The following CNTN5 variants were observed in gnomAD, a reference collection of about 807,000 sequenced individuals.
CNTN5 encodes the protein contactin-5.
In CNTN5, 77 loss-of-function variants were observed where a neutral mutation model predicts 129.1. The observed-to-expected ratio is 0.60, with a 90% CI of 0.50 to 0.72. The LOEUF (loss-of-function observed/expected upper bound fraction) is 0.72, where lower values mean the gene tolerates loss of function less well. Among genes scored for constraint, CNTN5 ranks in the 30% least tolerant of loss-of-function variants. The pLI is 0.00. For synonymous variants in CNTN5, 509 were observed against 465.6 expected (o/e 1.09, Z -1.20); for missense variants, 1,478 against 1,328.8 (o/e 1.11, Z -1.75).
chr11:99,468,989 A>G (rs1945061603), intron 2 of CNTN5, among the ~76,000 whole-genome samples: 2 of 152,064 alleles, frequency 1.3e-5, no homozygotes, highest in South Asian at 4.1e-4. Context: ...TATTTTTGAT[A>G]TTTACTCCTT....
At chr11:100,100,968 C>T (rs1057010514) in intron 13 of CNTN5, among the ~76,000 whole-genome samples, 2 of 151,996 alleles carry the variant, frequency 1.3e-5, no homozygotes, top group East Asian at 1.9e-4. Flanking sequence ...TACAAATTAT[C>T]GAAAAGATGT....
At position 99,844,969 on chromosome 11, in the gene CNTN5, G is replaced by A. The variant is rs577549789; in HGVS notation, c.395G>A (p.Ser132Asn). 4.2e-5 allele frequency: 68 copies of A among 1,613,152 alleles called. 1 individual carries two copies. The East Asian group carries it at 1.5e-3, about 36-fold the overall frequency. ...GAAGTTCGTGGCAATCCAGTTCCCA[G>A]TTACAGGTAGGAATTCACTGTTAAT... Reference protein sequence around the residue: ...NCEVRGNPVPSYRWLRNGTEI... With the variant: ...NCEVRGNPVPNYRWLRNGTEI... Residue 132 changes from serine to asparagine, a missense_variant, in exon 5 of 25, where the codon AGT (serine) becomes AAT (asparagine). Coordinates refer to ENST00000524871, the MANE Select transcript of CNTN5 (RefSeq NM_014361.4).
intron 1 of CNTN5, among the ~76,000 whole-genome samples, chr11:99,234,542 A>G (rs1293550529): frequency 2.6e-5 from 4 of 151,754 alleles, no homozygotes; most frequent in African/African-American, 4.9e-5. Context: ...CACTGTACAT[A>G]TCATACCATT....
At chr11:99,595,616 A>G (rs1950102328) in intron 3 of CNTN5, among the ~76,000 whole-genome samples, 1 of 152,304 alleles carries the variant, frequency 6.6e-6, no homozygotes, top group South Asian at 2.1e-4. Context: ...GCCATAAAGC[A>G]CACAGTTTAT....
chr11:99,475,219 T>C (rs1297240526), intron 2 of CNTN5, among the ~76,000 whole-genome samples: 1 of 152,198 alleles, frequency 6.6e-6, no homozygotes, highest in African/African-American at 2.4e-5. Context: ...GGGTTCCTTA[T>C]AAGATGGATG....
At chr11:99,479,337 A>C (rs1319174356) in intron 2 of CNTN5, among the ~76,000 whole-genome samples, 3 of 151,916 alleles carry the variant, frequency 2.0e-5, no homozygotes, top group African/African-American at 7.2e-5. Context: ...TTTTACTGCT[A>C]TCCATTTACT....
chr11:99,187,463 A>G, intron 1 of CNTN5, among the ~76,000 whole-genome samples: 1 of 151,952 alleles, frequency 6.6e-6, no homozygotes, highest in East Asian at 1.9e-4. Context: ...TATTAAAATA[A>G]CATGTCTCCT....
intron 3 of CNTN5, among the ~76,000 whole-genome samples, chr11:99,750,101 C>A (rs1008165130): frequency 5.9e-5 from 9 of 152,214 alleles, no homozygotes; most frequent in African/African-American, 2.2e-4. Flanking sequence ...AACTCTGATT[C>A]TTGTGTCTGT....
At chr11:99,084,861 A>T (rs1865938259) in intron 1 of CNTN5, among the ~76,000 whole-genome samples, 2 of 152,184 alleles carry the variant, frequency 1.3e-5, no homozygotes, top group African/African-American at 4.8e-5. Flanking sequence ...TCTCTCAAAC[A>T]ATTAAGTATC....
At chr11:99,235,192 A>T (rs1861204180) in intron 1 of CNTN5, among the ~76,000 whole-genome samples, 1 of 151,986 alleles carries the variant, frequency 6.6e-6, no homozygotes, top group Non-Finnish European at 1.5e-5. Context: ...AGTGGGGGAG[A>T]TTAGGAAGCT....
intron 9 of CNTN5, among the ~76,000 whole-genome samples, chr11:100,058,638 A>G (rs532124927): frequency 6.6e-6 from 1 of 152,250 alleles, no homozygotes; most frequent in African/African-American, 2.4e-5. Flanking sequence ...TCATCCAGCA[A>G]CTTCAATTTT....
intron 3 of CNTN5, among the ~76,000 whole-genome samples, chr11:99,746,180 A>G (rs1944050901): frequency 6.6e-6 from 1 of 152,202 alleles, no homozygotes; most frequent in Non-Finnish European, 1.5e-5. Context: ...TTTTTTCCCT[A>G]CATTTTCTTC....
At position 99,488,180 on chromosome 11, in the gene CNTN5, T is replaced by C. The variant is rs1419795673; in HGVS notation, c.-70-67965T>C. Among the ~76,000 whole-genome samples the C allele has an allele frequency of 6.0e-4, 41 of 68,780 alleles. No homozygotes were observed. The South Asian group carries it at 0.01, about 17-fold the overall frequency. 45.1% of individuals were successfully genotyped at this position (68,780 alleles called of 152,430 possible). On this transcript the variant is annotated intron_variant, in intron 2 of 24. Coordinates refer to ENST00000524871, the MANE Select transcript of CNTN5 (RefSeq NM_014361.4). Reference sequence around the variant, plus strand: ...AGAAGTTTTTTTTTTTTTTTTTTTTTCCTCTTTTTTGACATGGAGTCTCGC... The same window carrying C: ...AGAAGTTTTTTTTTTTTTTTTTTTTCCCTCTTTTTTGACATGGAGTCTCGC...
chr11:99,191,654 T>C (rs562314004), intron 1 of CNTN5, among the ~76,000 whole-genome samples: 1 of 151,864 alleles, frequency 6.6e-6, no homozygotes, highest in South Asian at 2.1e-4. Context: ...AAATCAATAA[T>C]AGAAGGAATT....
chr11:99,085,041 A>G (rs1486231942), intron 1 of CNTN5, among the ~76,000 whole-genome samples: 1 of 150,572 alleles, frequency 6.6e-6, no homozygotes, highest in Non-Finnish European at 1.5e-5. Context: ...CATATTCACT[A>G]GTAACCAATT....
intron 23 of CNTN5, among the ~76,000 whole-genome samples, chr11:100,347,603 A>G (rs1952312819): frequency 6.6e-6 from 1 of 152,124 alleles, no homozygotes; most frequent in South Asian, 2.1e-4. Context: ...ACATGCAAGC[A>G]AACATCTGCA....
intron 1 of CNTN5, among the ~76,000 whole-genome samples, chr11:99,071,086 G>A (rs999745178): frequency 2.7e-4 from 41 of 152,010 alleles, no homozygotes; most frequent in Non-Finnish European, 2.4e-4. Context: ...AATGTATCAG[G>A]CACTTTGCTA....
At chr11:99,384,511 A>G (rs549525191) in intron 2 of CNTN5, among the ~76,000 whole-genome samples, 1 of 152,328 alleles carries the variant, frequency 6.6e-6, no homozygotes, top group South Asian at 2.1e-4. Context: ...AAAAGTGAAG[A>G]CATATTCCAG....
At chr11:99,390,084 C>G (rs1941176684) in intron 2 of CNTN5, among the ~76,000 whole-genome samples, 1 of 151,928 alleles carries the variant, frequency 6.6e-6, no homozygotes, top group Non-Finnish European at 1.5e-5. Flanking sequence ...TGATTTAATA[C>G]TTAAACAAAA....
Sources: allele counts gnomAD v4.1 joint callset (sites outside exome capture counted in the v4.1 genomes callset), GRCh38; gene constraint gnomAD v4.1.1; transcripts MANE v1.5; gene names NCBI Gene and HGNC (gene_info 2026-07-23, HGNC 2026-07-21).